GPHN: variants seen among roughly 807,000 people sequenced by gnomAD.
GPHN encodes the protein gephyrin.
In GPHN, 17 loss-of-function variants were observed where a neutral mutation model predicts 95.5. The observed-to-expected ratio is 0.18, with a 90% confidence interval of 0.12 to 0.27. The LOEUF is 0.27. Among genes scored for constraint, GPHN ranks in the 10% least tolerant of loss-of-function variants. The pLI is 1.00. For synonymous variants in GPHN, 320 were observed against 322.5 expected, an observed-to-expected ratio of 0.99 and a Z score of 0.08; for missense variants, 660 against 978.1, an observed-to-expected ratio of 0.67 and a Z score of 4.34.
chr14:66,990,588 C>T (rs2071344084), intron 9 of GPHN, among the ~76,000 whole-genome samples: 1 of 152,100 alleles, frequency 6.6e-6, no homozygotes, highest in Non-Finnish European at 1.5e-5. Flanking sequence ...ATTAGAGTAT[C>T]ATCATAGGTA....
intron 9 of GPHN, among the ~76,000 whole-genome samples, chr14:67,013,976 T>C (rs1376025112): frequency 6.6e-6 from 1 of 152,124 alleles, no homozygotes; most frequent in Non-Finnish European, 1.5e-5. Flanking sequence ...TGACTGTATC[T>C]ATTCCTTGGC....
chr14:67,569,854 C>G, the GPHN span: 1 of 1,014,018 alleles, frequency 9.9e-7, no homozygotes, highest in South Asian at 1.4e-5. Flanking sequence ...GCCCAGTTCT[C>G]TGCTTCCCCC....
chr14:67,532,283 A>T, the GPHN span, among the ~76,000 whole-genome samples: 1 of 152,186 alleles, frequency 6.6e-6, no homozygotes, highest in African/African-American at 2.4e-5. Flanking sequence ...TCCAAGGACC[A>T]TTTGGAGAAA....
the GPHN span, among the ~76,000 whole-genome samples, chr14:67,477,577 C>T: frequency 6.6e-6 from 1 of 152,152 alleles, no homozygotes; most frequent in African/African-American, 2.4e-5. Flanking sequence ...AGCTCCTGCC[C>T]TTCCCTAGAC....
the GPHN span, chr14:67,695,486 C>T: frequency 1.4e-6 from 1 of 729,272 alleles, no homozygotes; most frequent in Non-Finnish European, 2.2e-6. Context: ...AGCTGGACCT[C>T]GCCTCCAACC....
the GPHN span, among the ~76,000 whole-genome samples, chr14:67,299,040 A>G: frequency 6.6e-6 from 1 of 152,190 alleles, no homozygotes. Flanking sequence ...CATTCTTTGA[A>G]TATCCCACAA....
At chr14:67,593,488 CT>C in the GPHN span, 24 of 306,960 alleles carry the variant, frequency 7.8e-5, no homozygotes, top group African/African-American at 1.3e-3. Flanking sequence ...GAGACCCTGT[CT>C]CAAAAAAAAA....
chr14:67,092,536 A>G (rs1035266625), intron 12 of GPHN, among the ~76,000 whole-genome samples: 2 of 152,142 alleles, frequency 1.3e-5, no homozygotes, highest in African/African-American at 4.8e-5. Context: ...ATCACTAAGC[A>G]TTAGCCAGTA....
chr14:66,608,771 T>C (rs2062653828), intron 1 of GPHN, among the ~76,000 whole-genome samples: 1 of 152,168 alleles, frequency 6.6e-6, no homozygotes, highest in Admixed American at 6.6e-5. Flanking sequence ...TTGTTTTCAG[T>C]TTAAAGTCTG....
intron 8 of GPHN, 131 bp from the exon 9 acceptor site, chr14:66,965,060 T>G (rs1356868751): frequency 2.6e-6 from 2 of 773,822 alleles, no homozygotes; most frequent in Non-Finnish European, 4.6e-6. Context: ...TGGATGCATT[T>G]ATACCTAACA....
At chr14:67,522,108 G>T in the GPHN span, among the ~76,000 whole-genome samples, 1 of 152,216 alleles carries the variant, frequency 6.6e-6, no homozygotes, top group Non-Finnish European at 1.5e-5. Flanking sequence ...GGGAGGCGGA[G>T]GTTGCAGTGA....
chr14:67,362,504 T>C, the GPHN span, among the ~76,000 whole-genome samples: 1 of 152,234 alleles, frequency 6.6e-6, no homozygotes, highest in African/African-American at 2.4e-5. Context: ...TCAGTAAACC[T>C]GTGATGTACA....
At chr14:67,410,415 T>C in the GPHN span, among the ~76,000 whole-genome samples, 2 of 152,106 alleles carry the variant, frequency 1.3e-5, no homozygotes, top group African/African-American at 4.8e-5. Context: ...CAAGCCGCAG[T>C]TAAATGTGAG....
intron 11 of GPHN, among the ~76,000 whole-genome samples, chr14:67,085,334 A>T (rs965244419): frequency 9.9e-5 from 15 of 152,252 alleles, no homozygotes; most frequent in Non-Finnish European, 2.1e-4. Context: ...GTGAGCTGAT[A>T]TTCTTTTATC....
At chr14:66,512,723 A>G (rs549040150) in intron 1 of GPHN, among the ~76,000 whole-genome samples, 2 of 151,880 alleles carry the variant, frequency 1.3e-5, no homozygotes, top group Non-Finnish European at 1.5e-5. Flanking sequence ...TTATTCATAA[A>G]TGAAGTCATT....
At chr14:66,941,266 A>T (rs1211751087) in intron 8 of GPHN, among the ~76,000 whole-genome samples, 1 of 151,874 alleles carries the variant, frequency 6.6e-6, no homozygotes, top group African/African-American at 2.4e-5. Context: ...TTAAAAAAAA[A>T]ATCATGATAG....
chr14:67,542,001 C>G, the GPHN span: 2 of 1,599,052 alleles, frequency 1.3e-6, no homozygotes, highest in East Asian at 4.5e-5. Flanking sequence ...AAGGTGAGTC[C>G]CTCAGAGCAG....
At chr14:67,704,861 A>T in the GPHN span, among the ~76,000 whole-genome samples, 7 of 152,154 alleles carry the variant, frequency 4.6e-5, no homozygotes, top group Non-Finnish European at 1.5e-5. Flanking sequence ...CAGAACATCA[A>T]CCAAGACAGG....
chr14:67,579,386 T>C, the GPHN span: 5 of 1,213,564 alleles, frequency 4.1e-6, no homozygotes, highest in African/African-American at 1.5e-5. Flanking sequence ...GGCCTTAGGC[T>C]CAGGCTTGGC....
Sources: gnomAD v4.1 joint callset for allele counts (sites outside exome capture counted in the v4.1 genomes callset) on GRCh38, gnomAD v4.1.1 for gene constraint, MANE v1.5 for transcripts, NCBI Gene and HGNC (gene_info 2026-07-23, HGNC 2026-07-21) for gene names.